The following NDRG3 variants were observed in gnomAD, a reference collection of about 807,000 sequenced individuals.
NDRG3 encodes the protein NDRG family member 3, also known as protein NDRG3.
A neutral mutation model predicts 57.2 loss-of-function variants in NDRG3; 23 were observed. The observed-to-expected ratio is 0.40, with a 90% CI of 0.29 to 0.57. The LOEUF (loss-of-function observed/expected upper bound fraction) is 0.57. NDRG3 is among the 20% of genes least tolerant of loss of function. The probability of loss-of-function intolerance (pLI) is 0.42; values close to 1 mark genes in which losing one functional copy is unlikely to be tolerated. For missense variants in NDRG3, 384 were observed against 457.3 expected, an observed-to-expected ratio of 0.84 and a Z score of 1.46; for synonymous variants, 132 against 162.6, an observed-to-expected ratio of 0.81 and a Z score of 1.43.
At chr20:36,694,804 C>T (rs1982635554) in intron 3 of NDRG3, among the ~76,000 whole-genome samples, 1 of 152,138 alleles carries the variant, frequency 6.6e-6, no homozygotes, top group African/African-American at 2.4e-5. Context: ...GTCACCCAGG[C>T]TGGAGTACAG....
chr20:36,718,668 G>A (rs1017794133), intron 2 of NDRG3, among the ~76,000 whole-genome samples: 2 of 152,050 alleles, frequency 1.3e-5, no homozygotes, highest in Non-Finnish European at 2.9e-5. Flanking sequence ...GAGAGAGAAA[G>A]AGAGCCTCTT....
intron 3 of NDRG3, among the ~76,000 whole-genome samples, chr20:36,693,129 T>A (rs1568647086): frequency 1.0e-4 from 7 of 68,148 alleles, no homozygotes; most frequent in African/African-American, 3.5e-4. Flanking sequence ...TATATATATA[T>A]ATATATATAT....
chr20:36,738,598 G>A (rs903897999), intron 1 of NDRG3, among the ~76,000 whole-genome samples: 3 of 150,712 alleles, frequency 2.0e-5, no homozygotes, highest in South Asian at 2.1e-4. Flanking sequence ...CGGGGTGGGC[G>A]GATCACTTGA....
chr20:36,710,031 A>C (rs1265219233), intron 2 of NDRG3, among the ~76,000 whole-genome samples: 4 of 152,164 alleles, frequency 2.6e-5, no homozygotes, highest in Admixed American at 2.6e-4. Flanking sequence ...ATTAAAAAAG[A>C]CTAAAAGGCC....
At chr20:36,667,214 T>G (rs1979708488) in intron 9 of NDRG3, among the ~76,000 whole-genome samples, 1 of 152,236 alleles carries the variant, frequency 6.6e-6, no homozygotes. Flanking sequence ...AATTATATAT[T>G]CCATTGCGTT....
In NDRG3 at chr20:36,653,191, C is replaced by T. The variant is rs190774165; in HGVS notation, c.*329G>A. On this transcript the variant is annotated 3_prime_UTR_variant, in exon 16 of 16. Coordinates refer to ENST00000349004, the MANE Select transcript of NDRG3 (RefSeq NM_032013.4). The surrounding 1 kb of genome is among the most constrained non-coding windows in gnomAD (Gnocchi z 4.2). Reference sequence around the variant, plus strand: ...CTATGCACACACAAACACAGACACGCGTGCTCGCACACACAGAGTCGGGAT... The same window carrying T: ...CTATGCACACACAAACACAGACACGTGTGCTCGCACACACAGAGTCGGGAT... The T allele has an allele frequency of 7.3e-4, 163 of 222,098 alleles. No individual in the cohort carries two copies. Among genetic ancestry groups the T allele is most frequent in the Admixed American group, 3.3e-4 (6 of 18,452 alleles). The allele number at this position is 222,098 out of a possible 1,614,324, so 13.8% of individuals were successfully genotyped here.
intron 3 of NDRG3, among the ~76,000 whole-genome samples, chr20:36,695,515 CT>C (rs1299093340): frequency 6.6e-6 from 1 of 152,146 alleles, no homozygotes; most frequent in African/African-American, 2.4e-5. Context: ...GAACGCATTC[CT>C]GGGGGGACGG....
chr20:36,693,613 C>T (rs1392444306), intron 3 of NDRG3, among the ~76,000 whole-genome samples: 1 of 151,928 alleles, frequency 6.6e-6, no homozygotes, highest in Non-Finnish European at 1.5e-5. Context: ...CTCCCCGTTG[C>T]ACTGCCTGAG....
chr20:36,710,158 A>C (rs1381557242), intron 2 of NDRG3, among the ~76,000 whole-genome samples: 1 of 151,998 alleles, frequency 6.6e-6, no homozygotes, highest in East Asian at 1.9e-4. Context: ...CATCTCTATA[A>C]AAAATGCAAA....
chr20:36,729,691 C>G (rs1030960961), intron 1 of NDRG3, among the ~76,000 whole-genome samples: 3 of 152,008 alleles, frequency 2.0e-5, no homozygotes, highest in Admixed American at 2.0e-4. Flanking sequence ...CCACGCCTGG[C>G]TAATTTTTGT....
At chr20:36,703,474 G>C (rs749370141) in intron 3 of NDRG3, among the ~76,000 whole-genome samples, 2 of 151,218 alleles carry the variant, frequency 1.3e-5, no homozygotes, top group Non-Finnish European at 2.9e-5. Context: ...GTGTGTGTGT[G>C]TGTAATATAT....
intron 8 of NDRG3, among the ~76,000 whole-genome samples, chr20:36,677,694 T>C (rs1980879860): frequency 6.6e-6 from 1 of 152,158 alleles, no homozygotes; most frequent in African/African-American, 2.4e-5. Context: ...GGGCCTCCTG[T>C]CGGCAAAGAG....
At chr20:36,654,087 A>G (rs1978442689) in intron 15 of NDRG3, among the ~76,000 whole-genome samples, 2 of 152,192 alleles carry the variant, frequency 1.3e-5, no homozygotes, top group African/African-American at 4.8e-5. Flanking sequence ...ACACACACAC[A>G]AGTATGAAGG....
At chr20:36,733,162 AAAAAAAAAAATATATAT>A (rs1466114850) in intron 1 of NDRG3, among the ~76,000 whole-genome samples, 231 of 51,968 alleles carry the variant, frequency 4.4e-3, no homozygotes, top group Non-Finnish European at 6.8e-3. Context: ...AAAAAAAAAA[AAAAAAAAAAATATATAT>A]ATATATATAT....
At chr20:36,657,253 G>A (rs1267600930) in intron 13 of NDRG3, among the ~76,000 whole-genome samples, 2 of 151,958 alleles carry the variant, frequency 1.3e-5, no homozygotes, top group Non-Finnish European at 2.9e-5. Flanking sequence ...TTGGGAGGCC[G>A]AGGTCGGGGG....
chr20:36,742,413 T>C (rs1985966780), intron 1 of NDRG3, among the ~76,000 whole-genome samples: 1 of 152,200 alleles, frequency 6.6e-6, no homozygotes, highest in South Asian at 2.1e-4. Flanking sequence ...TCTGCGACCT[T>C]GGACAAGTTC....
chr20:36,670,183 TG>T (rs1422114123), intron 9 of NDRG3, among the ~76,000 whole-genome samples: 1 of 152,184 alleles, frequency 6.6e-6, no homozygotes, highest in Non-Finnish European at 1.5e-5. Context: ...GAAAATGTTT[TG>T]TGTTCTGGGT....
intron 5 of NDRG3, 119 bp downstream of exon 5, chr20:36,687,373 A>G (rs1981876840): frequency 7.9e-7 from 1 of 1,263,564 alleles, no homozygotes; most frequent in African/African-American, 1.5e-5. Context: ...GTTGGTCAAT[A>G]AGCATAACCT....
Position 36,719,211 on chromosome 20 carries a change from G to A in NDRG3, c.57+2468C>T, listed in dbSNP as rs146314077. On this transcript the variant is annotated intron_variant, in intron 2 of 15. Transcript: ENST00000349004. The stretch of plus-strand genomic sequence containing the variant: ...TTGGAGGCCGAGGCGGGTGGATCAA[G>A]AGGTCAAGAGATCGAGACCATCCTG... 6.1e-3 allele frequency among the ~76,000 whole-genome samples: 927 copies of A among 152,100 alleles called. 11 individuals carry two copies. The highest frequency in any genetic ancestry group is 0.021 in the African/African-American group (868 of 41,464).
Sources: allele counts gnomAD v4.1 joint callset (sites outside exome capture counted in the v4.1 genomes callset), GRCh38; gene constraint gnomAD v4.1.1; non-coding constraint Gnocchi (gnomAD v3.1); transcripts MANE v1.5; gene names NCBI Gene and HGNC (gene_info 2026-07-23, HGNC 2026-07-21).